The following HSD17B14 variants were observed in gnomAD, a reference collection of about 807,000 sequenced individuals.
HSD17B14 encodes L-fucose dehydrogenase.
HSD17B14 carries 32 observed loss-of-function variants against 32.2 expected under a neutral mutation model. That is an observed-to-expected ratio of 0.99 (90% CI 0.75 to 1.33). HSD17B14 has a LOEUF of 1.33. Among genes scored for constraint, HSD17B14 ranks in the 40% most tolerant of loss-of-function variants. The pLI, the probability that HSD17B14 is intolerant of heterozygous loss-of-function variation, is 0.00. For synonymous variants in HSD17B14, 140 were observed against 155.4 expected (o/e 0.90, Z 0.74); for missense variants, 370 against 366.5 (o/e 1.01, Z -0.08).
chr19:48,826,525 G>GAAGAAGAAAAAAAAAA (rs1555776978), intron 5 of HSD17B14, among the ~76,000 whole-genome samples: 1 of 5,166 alleles, frequency 1.9e-4, no homozygotes, highest in African/African-American at 2.7e-4. Flanking sequence ...AAGAAAAGAA[G>GAAGAAGAAAAAAAAAA]AAAATATATA....
chr19:48,830,822 C>CTATTTATTTATT lies in HSD17B14; in HGVS notation c.369+834_369+845dup, dbSNP rs150317727. ...ACAGCTGTGAGCTACTGGACCTGGC[C>CTATTTATTTATT]TATTTATTTATTTATTTATTTATTT... is the stretch of plus-strand genomic sequence containing the variant. On this transcript the variant is annotated intron_variant, in intron 5 of 8. Transcript: ENST00000263278. Among the ~76,000 whole-genome samples the CTATTTATTTATT allele has an allele frequency of 3.0e-4, 45 of 147,700 alleles. No homozygotes were observed. The East Asian group carries it at 3.4e-3, about 11-fold the overall frequency.
intron 5 of HSD17B14, 71 bp downstream of exon 5, chr19:48,831,597 G>T: frequency 9.6e-7 from 1 of 1,046,954 alleles, no homozygotes; most frequent in Non-Finnish European, 1.5e-6. Flanking sequence ...TTTGCTCTTA[G>T]ACAAAATGCA....
chr19:48,815,337 A>C (rs2035033837), intron 5 of HSD17B14, among the ~76,000 whole-genome samples, 196 bp from the exon 6 acceptor site: 1 of 151,794 alleles, frequency 6.6e-6, no homozygotes, highest in Admixed American at 6.6e-5. Flanking sequence ...GGGTCTCAGC[A>C]CTCAAGGAGT....
chr19:48,825,237 CAAAAAA>C (rs60266504), intron 5 of HSD17B14, among the ~76,000 whole-genome samples: 1 of 89,076 alleles, frequency 1.1e-5, no homozygotes, highest in Non-Finnish European at 2.2e-5. Context: ...GACTCCGTCG[CAAAAAA>C]AAAAAAAAAA....
At chr19:48,816,282 G>A (rs768776606) in intron 5 of HSD17B14, among the ~76,000 whole-genome samples, 2 of 152,072 alleles carry the variant, frequency 1.3e-5, no homozygotes, top group African/African-American at 4.8e-5. Flanking sequence ...CAGGCTCTCC[G>A]AGTGGGAATC....
chr19:48,833,514 A>C (rs2035384686), intron 3 of HSD17B14, among the ~76,000 whole-genome samples: 1 of 151,966 alleles, frequency 6.6e-6, no homozygotes, highest in African/African-American at 2.4e-5. Context: ...CAACATGGTG[A>C]AACCCTGTCT....
intron 5 of HSD17B14, among the ~76,000 whole-genome samples, chr19:48,815,739 A>C (rs1038867128): frequency 3.9e-5 from 6 of 152,076 alleles, no homozygotes; most frequent in African/African-American, 7.2e-5. Context: ...AAGGCACTCT[A>C]GACCAGGCAC....
At chr19:48,826,491 C>CAAA (rs747731627) in intron 5 of HSD17B14, among the ~76,000 whole-genome samples, 1 of 41,094 alleles carries the variant, frequency 2.4e-5, no homozygotes, top group African/African-American at 9.3e-5. Flanking sequence ...AAGATTGTCT[C>CAAA]AAAAAAAAAA....
intron 5 of HSD17B14, among the ~76,000 whole-genome samples, chr19:48,828,056 G>A (rs1277884772): frequency 1.3e-5 from 2 of 151,610 alleles, no homozygotes; most frequent in African/African-American, 2.4e-5. Flanking sequence ...GGGTTTCACC[G>A]CGTTAGCCAA....
chr19:48,820,052 G>A (rs1419208892), intron 5 of HSD17B14, among the ~76,000 whole-genome samples: 1 of 152,180 alleles, frequency 6.6e-6, no homozygotes, highest in Non-Finnish European at 1.5e-5. Flanking sequence ...AGGTTTTCGG[G>A]AGGCTGAGGT....
At position 48,813,489 on chromosome 19, in the gene HSD17B14, A is replaced by T; in HGVS notation, c.606T>A (p.Pro202=). The T allele has an allele frequency of 6.2e-7, 1 of 1,613,752 alleles. No homozygotes were observed. Among genetic ancestry groups the T allele is most frequent in the Non-Finnish European group, 8.5e-7 (1 of 1,179,888 alleles). ...GCATGCCCTCTCGGATTGTGGCCCT[A>T]GGGTCTGGCATTAAGGCTGCCAGCT... The part of the protein sequence containing the change: ...WEELAALMPD[P]RATIREGMLA... The change falls in exon 8 of 9, where the codon CCT becomes CCA. Residue 202 remains proline, a synonymous_variant. Coordinates refer to ENST00000263278, the MANE Select transcript of HSD17B14 (RefSeq NM_016246.3).
chr19:48,821,992 GTGATGATGATGGTGATACTGGTGAGGA>G (rs1415062568), intron 5 of HSD17B14, among the ~76,000 whole-genome samples: 17 of 151,504 alleles, frequency 1.1e-4, no homozygotes, highest in Admixed American at 1.1e-3. Context: ...TGTGGTAATG[GTGATGATGATGGTGATACTGGTGAGGA>G]TGGTGATGGT....
In HSD17B14 at chr19:48,834,540, T is replaced by C. The variant is rs548849591; in HGVS notation, c.128-182A>G. Among the ~76,000 whole-genome samples, 3 of 80,904 alleles carry C rather than the reference T, an allele frequency of 3.7e-5. No homozygotes were observed. In the East Asian group the frequency reaches 1.1e-3, roughly 30 times the overall value. The allele number at this position is 80,904 out of a possible 152,430, so 53.1% of individuals were successfully genotyped here. A position where few individuals can be genotyped will look rare whatever the true frequency, so the allele number is the denominator to read the frequency against. On this transcript the variant is annotated intron_variant, in intron 2 of 8. Transcript: ENST00000263278. ...AGTAGGGCCTGGGGGCCTGGACTCC[T>C]GGGTCTGAGGGAGGAAGGGCTGGGA...
At chr19:48,834,248 T>C (rs1382064016) in intron 3 of HSD17B14, 28 bp downstream of exon 3, 6 of 1,568,496 alleles carry the variant, frequency 3.8e-6, no homozygotes, top group Non-Finnish European at 5.3e-6. Context: ...TTAGCGGAGA[T>C]GGGGGTAGGA....
At chr19:48,830,285 C>T (rs1359406557) in intron 5 of HSD17B14, among the ~76,000 whole-genome samples, 1 of 152,148 alleles carries the variant, frequency 6.6e-6, no homozygotes, top group African/African-American at 2.4e-5. Context: ...CAGGCAGTCG[C>T]CCGATTAATA....
At chr19:48,817,294 C>T (rs570098806) in intron 5 of HSD17B14, among the ~76,000 whole-genome samples, 2 of 151,940 alleles carry the variant, frequency 1.3e-5, no homozygotes, top group Admixed American at 6.6e-5. Flanking sequence ...TCTCCTGCCT[C>T]AGTCTCCTGA....
intron 5 of HSD17B14, among the ~76,000 whole-genome samples, chr19:48,830,822 CTATTTATTTATT>C (rs150317727): frequency 1.6e-4 from 24 of 147,698 alleles, no homozygotes; most frequent in African/African-American, 3.8e-4. Flanking sequence ...TGGACCTGGC[CTATTTATTTATT>C]TATTTATTTA....
At chr19:48,816,316 C>T (rs553088014) in intron 5 of HSD17B14, among the ~76,000 whole-genome samples, 1 of 152,220 alleles carries the variant, frequency 6.6e-6, no homozygotes, top group Non-Finnish European at 1.5e-5. Flanking sequence ...TGCCCGGTTC[C>T]CCCCACCAAC....
intron 5 of HSD17B14, among the ~76,000 whole-genome samples, chr19:48,825,053 C>T (rs1447526400): frequency 1.3e-5 from 2 of 151,774 alleles, no homozygotes; most frequent in African/African-American, 4.8e-5. Context: ...GCCTGGCCAA[C>T]ATGATGAAAC....
Sources: gnomAD v4.1 joint callset for allele counts (sites outside exome capture counted in the v4.1 genomes callset) on GRCh38, gnomAD v4.1.1 for gene constraint, MANE v1.5 for transcripts, NCBI Gene and HGNC (gene_info 2026-07-23, HGNC 2026-07-21) for gene names.